Variants in ACAP1 observed in about 807,000 individuals in gnomAD.
The protein encoded by ACAP1 is arf-GAP with coiled-coil, ANK repeat and PH domain-containing protein 1.
In ACAP1, 45 loss-of-function variants were observed where a neutral mutation model predicts 98.8. The observed-to-expected ratio is 0.46, with a 90% CI of 0.36 to 0.58. The LOEUF is 0.58. Ranked by LOEUF, ACAP1 falls within the 20% of genes least tolerant of loss-of-function variation. The probability of loss-of-function intolerance (pLI) is 0.00; values close to 1 mark genes in which losing one functional copy is unlikely to be tolerated. For missense variants in ACAP1, 735 were observed against 971.4 expected (o/e 0.76, Z 3.24); for synonymous variants, 362 against 375.3 (o/e 0.96, Z 0.41).
chr17:7,339,335 G>C lies in ACAP1; in HGVS notation c.111+1966G>C, dbSNP rs559992476. Among the ~76,000 whole-genome samples, 33 of 151,802 alleles carry C rather than the reference G, an allele frequency of 2.2e-4. 2 individuals are homozygous for C. The East Asian group carries it at 6.1e-3, about 28-fold the overall frequency. ...AAAAACCCCAATAAACTCTAGCCAA[G>C]CTCAGTGGCTCACGCCTGTAATCCC... On this transcript the variant is annotated intron_variant, in intron 2 of 21. Coordinates refer to ENST00000158762, the MANE Select transcript of ACAP1 (RefSeq NM_014716.4).
In ACAP1 at chr17:7,350,951, C is replaced by T; in HGVS notation, c.2074C>T (p.Leu692=). The T allele has an allele frequency of 6.2e-7, 1 of 1,614,160 alleles. No homozygotes were observed. The highest frequency in any genetic ancestry group is 1.6e-4 in the Middle Eastern group (1 of 6,062). The part of the protein sequence containing the change: ...ETANADIVTL[L]RLAKMREAEA... ...ATTTCTTAATTCCCTCCTCTTCAGG[C>T]TACGACTGGCAAAGATGAGGGAGGC... Residue 692 remains leucine, a splice_region_variant and synonymous_variant, in exon 21 of 22, where the codon CTA becomes TTA. Transcript: ENST00000158762. The surrounding 1 kb of genome is among the most constrained non-coding windows in gnomAD (Gnocchi z 4.6).
chr17:7,340,277 T>C (rs937589090), intron 2 of ACAP1, among the ~76,000 whole-genome samples: 1 of 152,096 alleles, frequency 6.6e-6, no homozygotes, highest in Admixed American at 6.5e-5. Context: ...CTAAAAATAA[T>C]CATAATTTTT....
chr17:7,336,599 C>G lies in ACAP1; in HGVS notation c.-136C>G. 1.2e-6 allele frequency: 1 copy of G among 859,256 alleles called. No homozygotes were observed. Among genetic ancestry groups the G allele is most frequent in the East Asian group, 2.5e-5 (1 of 40,810 alleles). 53.2% of individuals were successfully genotyped at this position (859,256 alleles called of 1,614,324 possible). ...CTTTCCCCTTGGGGAAAGAATTGTGCCCCCAGGCCCTTCCCCGCGGAGGTC... is the reference window on the plus strand; with the variant it reads ...CTTTCCCCTTGGGGAAAGAATTGTGGCCCCAGGCCCTTCCCCGCGGAGGTC... On this transcript the variant is annotated 5_prime_UTR_variant, in exon 1 of 22. Coordinates refer to ENST00000158762, the MANE Select transcript of ACAP1 (RefSeq NM_014716.4).
At position 7,347,772 on chromosome 17, in the gene ACAP1, A is replaced by G. The variant is rs554312316; in HGVS notation, c.1344-150A>G. ...GCCAGGTCAAGGCTACATGGCGGTT[A>G]CATGGCCGCAGCTGCCCTGCCTCCT... On this transcript the variant is annotated intron_variant, in intron 14 of 21. Transcript: ENST00000158762. The G allele has an allele frequency of 1.3e-4, 83 of 646,596 alleles. 2 individuals carry two copies. The South Asian group carries it at 1.4e-3, about 11-fold the overall frequency. The allele number at this position is 646,596 out of a possible 1,614,324, so 40.1% of individuals were successfully genotyped here. A position where few individuals can be genotyped will look rare whatever the true frequency, so the allele number is the denominator to read the frequency against.
At chr17:7,348,275 G>C (rs1305858809) in intron 16 of ACAP1, 31 bp from the exon 17 acceptor site, 3 of 1,606,060 alleles carry the variant, frequency 1.9e-6, no homozygotes, top group African/African-American at 1.3e-5. Context: ...GAGCAGAAGA[G>C]GGAAGACTGC....
rs779881575 is a variant in ACAP1, at chr17:7,346,527, T to C, written c.1007+36T>C. 5.3e-6 allele frequency: 8 copies of C among 1,513,710 alleles called. No homozygotes were observed. In the South Asian group the frequency reaches 1.0e-4, roughly 19 times the overall value. The allele number at this position is 1,513,710 out of a possible 1,614,324, so 93.8% of individuals were successfully genotyped here. A position where few individuals can be genotyped will look rare whatever the true frequency, so the allele number is the denominator to read the frequency against. ...TCCCCAGGGGTGATACTCTAATATA[T>C]CTAAACAACTGCCAATCTGAAAGGC... On this transcript the variant is annotated intron_variant, in intron 12 of 21. Coordinates refer to ENST00000158762, the MANE Select transcript of ACAP1 (RefSeq NM_014716.4).
Position 7,343,614 on chromosome 17 carries a change from C to T in ACAP1, c.528+52C>T, listed in dbSNP as rs754558635. On this transcript the variant is annotated intron_variant, in intron 6 of 21. Coordinates refer to ENST00000158762, the MANE Select transcript of ACAP1 (RefSeq NM_014716.4). This position sits in a 1 kb window ranked among gnomAD's most constrained non-coding sequence, Gnocchi z 4.9. The stretch of plus-strand genomic sequence containing the variant: ...GGTACCAGAGCCTCAAGTGTCACCT[C>T]GAGGCTTGGGGGTCTCCAGTGTGCA... The T allele has an allele frequency of 2.0e-5, 32 of 1,595,696 alleles. No homozygotes were observed. Among genetic ancestry groups the T allele is most frequent in the South Asian group, 1.4e-4 (12 of 88,782 alleles).
intron 2 of ACAP1, among the ~76,000 whole-genome samples, chr17:7,338,063 C>T (rs1045327244): frequency 1.3e-5 from 2 of 152,088 alleles, no homozygotes; most frequent in Non-Finnish European, 2.9e-5. Context: ...CACAAATACA[C>T]ACTCAAATGC....
At chr17:7,341,009 C>T (rs2073270813) in intron 2 of ACAP1, among the ~76,000 whole-genome samples, 1 of 151,968 alleles carries the variant, frequency 6.6e-6, no homozygotes, top group African/African-American at 2.4e-5. Context: ...GTCAAAAGAG[C>T]CAGATAGGAT....
In ACAP1 at chr17:7,342,396, C is replaced by T. The variant is rs770657431; in HGVS notation, c.286-20C>T. The T allele has an allele frequency of 6.2e-6, 10 of 1,614,036 alleles. No individual in the cohort carries two copies. The Middle Eastern group carries it at 4.9e-4, about 80-fold the overall frequency. On this transcript the variant is annotated intron_variant, in intron 4 of 21. Transcript: ENST00000158762. ...CACCTGTGGTCCTGACCCCAGTCTACCAACTTCTCCTTCCCTCAGGAGCTT... is the reference window on the plus strand; with the variant it reads ...CACCTGTGGTCCTGACCCCAGTCTATCAACTTCTCCTTCCCTCAGGAGCTT...
At position 7,350,706 on chromosome 17, in the gene ACAP1, T is replaced by C. The variant is rs924182079; in HGVS notation, c.2073-244T>C. ...TCACTGCAACCCCCGCCTCCCGGGTTCAAGCGATTCTCCTGTCTCAGCCTC... is the reference window on the plus strand; with the variant it reads ...TCACTGCAACCCCCGCCTCCCGGGTCCAAGCGATTCTCCTGTCTCAGCCTC... On this transcript the variant is annotated intron_variant, in intron 20 of 21. Coordinates refer to ENST00000158762, the MANE Select transcript of ACAP1 (RefSeq NM_014716.4). This position sits in a 1 kb window ranked among gnomAD's most constrained non-coding sequence, Gnocchi z 4.6. The C allele has an allele frequency of 1.2e-5, 6 of 482,346 alleles. No homozygotes were observed. The Admixed American group carries it at 1.8e-4, about 14-fold the overall frequency. The allele number at this position is 482,346 out of a possible 1,614,324, so 29.9% of individuals were successfully genotyped here.
intron 18 of ACAP1, chr17:7,349,520 C>T (rs945961081): frequency 4.3e-4 from 111 of 257,698 alleles, no homozygotes; most frequent in Non-Finnish European, 6.7e-5. Flanking sequence ...GGACTACAGG[C>T]GCCAGCCAGC....
Position 7,350,284 on chromosome 17 carries a change from C to G in ACAP1, c.2072+47C>G. On this transcript the variant is annotated intron_variant, in intron 20 of 21. Transcript: ENST00000158762. The surrounding 1 kb of genome is among the most constrained non-coding windows in gnomAD (Gnocchi z 4.6). The stretch of plus-strand genomic sequence containing the variant: ...GGGCTGGCGCTGGGACTCCCCCCAC[C>G]CCCGCCCACCCACGTTCGGGCGGGC... 1.3e-6 allele frequency: 2 copies of G among 1,514,426 alleles called. No individual in the cohort carries two copies. The highest frequency in any genetic ancestry group is 2.3e-5 in the South Asian group (2 of 88,170). 93.8% of individuals were successfully genotyped at this position (1,514,426 alleles called of 1,614,324 possible).
intron 2 of ACAP1, among the ~76,000 whole-genome samples, chr17:7,341,714 T>C (rs1237074170): frequency 6.6e-6 from 1 of 152,040 alleles, no homozygotes; most frequent in Non-Finnish European, 1.5e-5. Flanking sequence ...CTGAGAGGAA[T>C]GGGCAGGAAT....
intron 21 of ACAP1, 101 bp downstream of exon 21, chr17:7,351,100 G>A: frequency 7.7e-7 from 1 of 1,296,266 alleles, no homozygotes; most frequent in East Asian, 2.4e-5. Flanking sequence ...CATTCATTCC[G>A]TTATTTAACA....
intron 2 of ACAP1, among the ~76,000 whole-genome samples, chr17:7,338,682 G>C (rs1309468952): frequency 6.6e-6 from 1 of 151,970 alleles, no homozygotes; most frequent in South Asian, 2.1e-4. Context: ...TGTGCTACAG[G>C]CACATGCCAC....
In ACAP1 at chr17:7,349,949, C is replaced by A. The variant is rs141127717; in HGVS notation, c.1856C>A (p.Ser619Tyr). Residue 619 changes from serine to tyrosine, a missense_variant, in exon 19 of 22, where the codon TCT becomes TAT. By Grantham distance (144) the Ser-to-Tyr change is moderately radical (BLOSUM62 -2). Transcript: ENST00000158762. ...TPLIQATAAN[S>Y]LLACEFLLQN... Reference sequence around the variant, plus strand: ...CTTCTCGACTTCTCCATGCAGAATTCTCTTCTGGCCTGTGAGTTTCTCCTC... The same window carrying A: ...CTTCTCGACTTCTCCATGCAGAATTATCTTCTGGCCTGTGAGTTTCTCCTC... The A allele has an allele frequency of 3.1e-6, 5 of 1,604,726 alleles. No individual in the cohort carries two copies. The African/African-American group carries it at 6.7e-5, about 21-fold the overall frequency.
intron 17 of ACAP1, 121 bp downstream of exon 17, chr17:7,348,596 G>A (rs2073371302): frequency 1.7e-6 from 2 of 1,160,338 alleles, no homozygotes; most frequent in African/African-American, 1.6e-5. Flanking sequence ...GGAGGGACCG[G>A]ACTGCCGTTT....
intron 1 of ACAP1, 31 bp downstream of exon 1, chr17:7,336,818 A>G: frequency 1.2e-6 from 2 of 1,611,854 alleles, no homozygotes; most frequent in Non-Finnish European, 1.7e-6. Flanking sequence ...GGGGCTAAGG[A>G]GGGGAAAGTC....
Sources: allele counts gnomAD v4.1 joint callset (sites outside exome capture counted in the v4.1 genomes callset), GRCh38; gene constraint gnomAD v4.1.1; non-coding constraint Gnocchi (gnomAD v3.1); transcripts MANE v1.5; gene names NCBI Gene and HGNC (gene_info 2026-07-23, HGNC 2026-07-21).